Variants in NPAS3 observed in about 807,000 individuals in gnomAD.
NPAS3 encodes neuronal PAS domain-containing protein 3.
In NPAS3, 14 loss-of-function variants were observed where a neutral mutation model predicts 73.1. The ratio of observed to expected loss-of-function variants is 0.19; its 90% CI spans 0.13 to 0.30. The LOEUF is 0.30. NPAS3 is among the 10% of genes least tolerant of loss of function. The pLI, the probability that NPAS3 is intolerant of heterozygous loss-of-function variation, is 1.00. For missense variants in NPAS3, 1,096 were observed against 1,250.0 expected (o/e 0.88, Z 1.86); for synonymous variants, 620 against 541.5 (o/e 1.14, Z -2.01).
chr14:33,721,300 G>T (rs186699403), intron 6 of NPAS3, among the ~76,000 whole-genome samples: 3 of 152,238 alleles, frequency 2.0e-5, no homozygotes, highest in Admixed American at 2.0e-4. Flanking sequence ...TGTAGATATT[G>T]GTTGTTGGCG....
intron 3 of NPAS3, among the ~76,000 whole-genome samples, chr14:33,306,812 C>T (rs959460363): frequency 6.6e-6 from 1 of 151,972 alleles, no homozygotes; most frequent in Non-Finnish European, 1.5e-5. Context: ...TTGTGTTTGC[C>T]CCTCATTCTG....
intron 6 of NPAS3, among the ~76,000 whole-genome samples, chr14:33,698,181 G>A (rs1212839769): frequency 6.6e-6 from 1 of 152,080 alleles, no homozygotes; most frequent in African/African-American, 2.4e-5. Context: ...ACCATCACAG[G>A]GCTAGGAAAG....
intron 3 of NPAS3, among the ~76,000 whole-genome samples, chr14:33,263,258 A>G (rs2049040499): frequency 6.6e-6 from 1 of 152,204 alleles, no homozygotes; most frequent in South Asian, 2.1e-4. Flanking sequence ...TTTAGGTCTA[A>G]CATTTAAGTC....
chr14:33,537,430 G>T (rs1461374393), intron 4 of NPAS3, among the ~76,000 whole-genome samples: 2 of 152,156 alleles, frequency 1.3e-5, no homozygotes, highest in African/African-American at 4.8e-5. Context: ...GTAAGTGGAG[G>T]TTTCAACACA....
At chr14:33,391,698 G>A (rs1031634331) in intron 4 of NPAS3, among the ~76,000 whole-genome samples, 6 of 152,160 alleles carry the variant, frequency 3.9e-5, no homozygotes, top group Non-Finnish European at 8.8e-5. Context: ...AAGTTTTTAT[G>A]ATCAGAAATA....
chr14:33,748,456 T>C (rs542295485), intron 7 of NPAS3, among the ~76,000 whole-genome samples: 1 of 152,346 alleles, frequency 6.6e-6, no homozygotes, highest in Admixed American at 6.5e-5. Context: ...GCTCTGGAAG[T>C]ACAGTCAAGA....
rs571282405 is a variant in NPAS3 at position 33,692,579 on chromosome 14, T to C, written c.733+16194T>C. On this transcript the variant is annotated intron_variant, in intron 6 of 11. Transcript: ENST00000356141. ...AAGAAAGGAGACACTTAAAAGCCTT[T>C]TGTAGAGAACCACAAAAGCTTACAG... 1.4e-3 allele frequency among the ~76,000 whole-genome samples: 217 copies of C among 152,210 alleles called. 1 individual carries two copies. The highest frequency in any genetic ancestry group is 4.8e-3 in the African/African-American group (198 of 41,530).
intron 5 of NPAS3, chr14:33,610,834 C>T (rs529597564): frequency 2.6e-5 from 4 of 152,144 alleles, no homozygotes; most frequent in Non-Finnish European, 5.9e-5. Context: ...AGGTTGAAAA[C>T]AATACTGAAT....
At chr14:33,697,795 G>T (rs759473974) in intron 6 of NPAS3, among the ~76,000 whole-genome samples, 1 of 152,144 alleles carries the variant, frequency 6.6e-6, no homozygotes, top group Non-Finnish European at 1.5e-5. Context: ...TAATCATGGC[G>T]AGTGAGATTT....
At chr14:33,291,285 A>G (rs551470440) in intron 3 of NPAS3, among the ~76,000 whole-genome samples, 1 of 152,246 alleles carries the variant, frequency 6.6e-6, no homozygotes, top group East Asian at 1.9e-4. Context: ...GATAGCACAG[A>G]TAGGTGGCCG....
At chr14:33,656,020 C>T (rs74042360) in intron 5 of NPAS3, among the ~76,000 whole-genome samples, 61 of 152,248 alleles carry the variant, frequency 4.0e-4, no homozygotes, top group African/African-American at 1.4e-3. Flanking sequence ...GGTTGTGCCC[C>T]ACCGCATTAC....
chr14:33,189,225 A>G (rs574051138), intron 2 of NPAS3, among the ~76,000 whole-genome samples: 80 of 152,276 alleles, frequency 5.3e-4, no homozygotes, highest in African/African-American at 1.2e-3. Context: ...TGCAAAGGAT[A>G]TTGTGTTCTG....
chr14:33,678,754 G>A (rs202204571), intron 6 of NPAS3, among the ~76,000 whole-genome samples: 32 of 146,376 alleles, frequency 2.2e-4, no homozygotes, highest in Admixed American at 2.0e-4. Flanking sequence ...GACTTTGGGA[G>A]AAAAAAAAAA....
intron 4 of NPAS3, among the ~76,000 whole-genome samples, chr14:33,420,547 G>A: frequency 6.6e-6 from 1 of 151,802 alleles, no homozygotes; most frequent in African/African-American, 2.4e-5. Context: ...ATACATTAAG[G>A]CAACATATGG....
At chr14:33,492,546 TAGA>T (rs2051953916) in intron 4 of NPAS3, among the ~76,000 whole-genome samples, 2 of 152,272 alleles carry the variant, frequency 1.3e-5, no homozygotes, top group South Asian at 4.2e-4. Flanking sequence ...CAAAGATGTG[TAGA>T]AGATTTCATC....
Position 33,286,444 on chromosome 14 carries a change from TAAAC to T in NPAS3, c.385+71024_385+71027del, listed in dbSNP as rs545752519. On this transcript the variant is annotated intron_variant, in intron 3 of 11. Coordinates refer to ENST00000356141, the Ensembl canonical transcript of NPAS3. ...TTTTAAAAAAATTCCATGAGACAGA[TAAAC>T]AAACAGATAATGGCATTGTGCTGTG... Among the ~76,000 whole-genome samples the T allele has an allele frequency of 4.5e-4, 68 of 152,348 alleles. No homozygotes were observed. In the South Asian group the frequency reaches 4.6e-3, roughly 10 times the overall value.
At chr14:33,537,679 C>T (rs2054315726) in intron 4 of NPAS3, among the ~76,000 whole-genome samples, 1 of 152,204 alleles carries the variant, frequency 6.6e-6, no homozygotes, top group Admixed American at 6.5e-5. Flanking sequence ...CATTCTCTAA[C>T]TTCTCAATTA....
In NPAS3 at chr14:33,801,023, G is replaced by A. The variant is rs2063700142; in HGVS notation, c.2716G>A (p.Ala906Thr). The A allele has an allele frequency of 1.9e-6, 3 of 1,590,756 alleles. No individual in the cohort carries two copies. Among genetic ancestry groups the A allele is most frequent in the Non-Finnish European group, 2.6e-6 (3 of 1,169,364 alleles). The change falls in exon 12 of 12, where the codon GCC becomes ACC. Residue 906 changes from alanine (A) to threonine (T), a missense_variant. Transcript: ENST00000356141. ...GCCCGCCGGCAACGTGTTCACCACG[G>A]CCGAGGGACTCTTCTCCACGCTGCC...
At chr14:33,257,037 T>G (rs2048802979) in intron 3 of NPAS3, among the ~76,000 whole-genome samples, 1 of 152,164 alleles carries the variant, frequency 6.6e-6, no homozygotes, top group Admixed American at 6.5e-5. Flanking sequence ...TGGATCCACT[T>G]AGAGTTCCTT....
Sources: allele counts gnomAD v4.1 joint callset (sites outside exome capture counted in the v4.1 genomes callset), GRCh38; gene constraint gnomAD v4.1.1; transcripts MANE v1.5; gene names NCBI Gene and HGNC (gene_info 2026-07-23, HGNC 2026-07-21).